The following KLF12 variants were observed in gnomAD, a reference collection of about 807,000 sequenced individuals.
KLF12 encodes the protein Krueppel-like factor 12.
A neutral mutation model predicts 37.8 loss-of-function variants in KLF12; 9 were observed. That is an observed-to-expected ratio of 0.24 (90% confidence interval 0.14 to 0.42). The LOEUF (loss-of-function observed/expected upper bound fraction) is 0.42. KLF12 is among the 10% of genes least tolerant of loss of function. The pLI is 1.00. For missense variants in KLF12, 411 were observed against 516.0 expected, an observed-to-expected ratio of 0.80 and a Z score of 1.97; for synonymous variants, 208 against 202.1, an observed-to-expected ratio of 1.03 and a Z score of -0.25.
At chr13:74,168,820 A>G in the KLF12 span, among the ~76,000 whole-genome samples, 1 of 152,264 alleles carries the variant, frequency 6.6e-6, no homozygotes, top group South Asian at 2.1e-4. Flanking sequence ...TCCAGAAGAT[A>G]CTTAGAAGAT....
chr13:73,799,221 A>G (rs1297952633), intron 5 of KLF12, among the ~76,000 whole-genome samples: 2 of 152,122 alleles, frequency 1.3e-5, no homozygotes, highest in Non-Finnish European at 2.9e-5. Context: ...AGAACTTACG[A>G]ACACAAAGAA....
chr13:73,998,246 C>A (rs1892173217), intron 1 of KLF12, among the ~76,000 whole-genome samples: 1 of 152,170 alleles, frequency 6.6e-6, no homozygotes, highest in African/African-American at 2.4e-5. Flanking sequence ...TGCTCTTCAT[C>A]ACATCTTAAA....
chr13:74,190,759 G>T, the KLF12 span, among the ~76,000 whole-genome samples: 2 of 152,078 alleles, frequency 1.3e-5, no homozygotes, highest in East Asian at 1.9e-4. Context: ...TTATAAAGTA[G>T]ATATTATTAT....
At chr13:74,111,341 A>AT (rs1876964094) in intron 1 of KLF12, among the ~76,000 whole-genome samples, 1 of 152,122 alleles carries the variant, frequency 6.6e-6, no homozygotes, top group South Asian at 2.1e-4. Flanking sequence ...AATATTCTTA[A>AT]TATTCTTGTC....
chr13:73,838,584 A>C lies in KLF12; in HGVS notation c.670+7243T>G, dbSNP rs74095852. Reference sequence around the variant, plus strand: ...AATAAGAAATAATGCATTTGGACCTATAATAAGTTATTTTTTCAAGTATGA... The same window carrying C: ...AATAAGAAATAATGCATTTGGACCTCTAATAAGTTATTTTTTCAAGTATGA... On this transcript the variant is annotated intron_variant, in intron 4 of 7. Transcript: ENST00000377669. Among the ~76,000 whole-genome samples the C allele has an allele frequency of 3.3e-3, 497 of 152,312 alleles. 3 individuals are homozygous for C. Among genetic ancestry groups the C allele is most frequent in the African/African-American group, 0.011 (462 of 41,582 alleles).
chr13:73,697,864 A>G (rs2137556970), intron 7 of KLF12, among the ~76,000 whole-genome samples: 1 of 152,294 alleles, frequency 6.6e-6, no homozygotes, highest in South Asian at 2.1e-4. Context: ...ATGAGATTAG[A>G]TAAACTGGCT....
At chr13:74,027,425 G>A (rs1020247225) in intron 1 of KLF12, among the ~76,000 whole-genome samples, 20 of 152,152 alleles carry the variant, frequency 1.3e-4, no homozygotes, top group Admixed American at 7.9e-4. Context: ...AGCGGGGGGA[G>A]AGGGGTAGGT....
At chr13:74,112,593 T>C (rs1877047311) in intron 1 of KLF12, among the ~76,000 whole-genome samples, 1 of 152,170 alleles carries the variant, frequency 6.6e-6, no homozygotes, top group South Asian at 2.1e-4. Flanking sequence ...GATGTTACTA[T>C]TGGGACTGGC....
intron 1 of KLF12, among the ~76,000 whole-genome samples, chr13:74,014,634 T>A (rs541020678): frequency 6.6e-6 from 1 of 152,224 alleles, no homozygotes; most frequent in Non-Finnish European, 1.5e-5. Flanking sequence ...TCCAGTAGCA[T>A]TGACCGCAAT....
chr13:73,933,652 A>C (rs1889789030), intron 3 of KLF12, among the ~76,000 whole-genome samples: 1 of 152,244 alleles, frequency 6.6e-6, no homozygotes, highest in African/African-American at 2.4e-5. Flanking sequence ...AGTATAAGGA[A>C]GGCCATATAC....
At chr13:73,999,122 G>A (rs1240648332) in intron 1 of KLF12, among the ~76,000 whole-genome samples, 2 of 152,216 alleles carry the variant, frequency 1.3e-5, no homozygotes, top group Non-Finnish European at 2.9e-5. Context: ...CAATAGGAGA[G>A]AATAGTACTT....
At chr13:73,840,420 TCGCCCAC>T (rs1297249642) in intron 4 of KLF12, among the ~76,000 whole-genome samples, 1 of 152,052 alleles carries the variant, frequency 6.6e-6, no homozygotes, top group East Asian at 1.9e-4. Context: ...AGTTCCAGGC[TCGCCCAC>T]CCAACTCCCA....
the KLF12 span, among the ~76,000 whole-genome samples, chr13:74,163,200 C>T: frequency 6.6e-6 from 1 of 152,050 alleles, no homozygotes; most frequent in African/African-American, 2.4e-5. Flanking sequence ...AAAAATTGAG[C>T]TACCATATGA....
At chr13:74,118,431 A>C (rs1333205559) in intron 1 of KLF12, among the ~76,000 whole-genome samples, 1 of 152,212 alleles carries the variant, frequency 6.6e-6, no homozygotes, top group East Asian at 1.9e-4. Context: ...TAAAATTCTT[A>C]CGCATCAAAA....
the KLF12 span, among the ~76,000 whole-genome samples, chr13:74,233,534 C>A: frequency 6.6e-6 from 1 of 152,276 alleles, no homozygotes; most frequent in Admixed American, 6.5e-5. Context: ...CACTTAAATA[C>A]AATTTCTTTG....
intron 2 of KLF12, among the ~76,000 whole-genome samples, chr13:73,970,336 A>T (rs1188313573): frequency 6.6e-6 from 1 of 151,326 alleles, no homozygotes; most frequent in East Asian, 1.9e-4. Context: ...ATCATAAAGC[A>T]TTGTACAAGA....
At chr13:73,810,039 A>G (rs1232736771) in intron 5 of KLF12, among the ~76,000 whole-genome samples, 3 of 152,168 alleles carry the variant, frequency 2.0e-5, no homozygotes, top group African/African-American at 7.2e-5. Flanking sequence ...TAAGGTGAGG[A>G]GTTCGAGACC....
chr13:74,252,776 T>C, the KLF12 span, among the ~76,000 whole-genome samples: 1 of 152,212 alleles, frequency 6.6e-6, no homozygotes. Context: ...CTCCCTTCTC[T>C]TCCCCATTCT....
intron 1 of KLF12, among the ~76,000 whole-genome samples, chr13:74,122,960 TAA>T (rs58691841): frequency 1.1e-4 from 13 of 113,866 alleles, no homozygotes; most frequent in Non-Finnish European, 1.6e-4. Context: ...AACAGGTCAC[TAA>T]AAAAAAAAAA....
Sources: gnomAD v4.1 joint callset for allele counts (sites outside exome capture counted in the v4.1 genomes callset) on GRCh38, gnomAD v4.1.1 for gene constraint, MANE v1.5 for transcripts, NCBI Gene and HGNC (gene_info 2026-07-23, HGNC 2026-07-21) for gene names.